The following NTN1 variants were observed in gnomAD, a reference collection of about 807,000 sequenced individuals.
NTN1 encodes the protein netrin-1.
NTN1 carries 11 observed loss-of-function variants against 54.2 expected under a neutral mutation model. That is an observed-to-expected ratio of 0.20 (90% CI 0.13 to 0.34). The LOEUF (loss-of-function observed/expected upper bound fraction) is 0.34, where lower values mean the gene tolerates loss of function less well. Among genes scored for constraint, NTN1 ranks in the 10% least tolerant of loss-of-function variants. NTN1 has a pLI of 1.00. For missense variants in NTN1, 740 were observed against 893.1 expected (o/e 0.83, Z 2.18); for synonymous variants, 371 against 382.0 (o/e 0.97, Z 0.33).
chr17:9,055,971 C>T (rs1192712098), intron 2 of NTN1, among the ~76,000 whole-genome samples: 1 of 152,166 alleles, frequency 6.6e-6, no homozygotes, highest in Non-Finnish European at 1.5e-5. Context: ...AATCTGTGCT[C>T]ACTGCAGCCT....
chr17:9,210,905 GAAAAAAAAAA>G (rs58541910), intron 5 of NTN1, among the ~76,000 whole-genome samples: 3 of 23,492 alleles, frequency 1.3e-4, no homozygotes, highest in South Asian at 2.6e-3. Flanking sequence ...GACTCCATCT[GAAAAAAAAAA>G]AAAAAAAAAA....
At chr17:9,045,760 A>G (rs922224799) in intron 2 of NTN1, among the ~76,000 whole-genome samples, 13 of 152,356 alleles carry the variant, frequency 8.5e-5, no homozygotes, top group African/African-American at 3.1e-4. Flanking sequence ...ACCCAAGCCA[A>G]AAGTTGATTG....
In NTN1 at chr17:9,022,898, G is replaced by C. The variant is rs2091857351; in HGVS notation, c.525G>C (p.Gln175His). The change falls in exon 2 of 7, where the codon CAG becomes CAC. Residue 175 changes from glutamine to histidine, a missense_variant. Physicochemically the swap from Gln to His is conservative, Grantham distance 24. Transcript: ENST00000173229. ...ACGGGCGCACGTGGGTGCCCTTCCA[G>C]TTCTACTCCACGCAGTGCCGCAAGA... The part of the protein sequence containing the change: ...MDYGRTWVPF[Q>H]FYSTQCRKMY... 1.2e-6 allele frequency: 2 copies of C among 1,612,262 alleles called. No individual in the cohort carries two copies. The highest frequency in any genetic ancestry group is 1.7e-6 in the Non-Finnish European group (2 of 1,179,934).
chr17:9,087,297 A>G (rs1382891705), intron 2 of NTN1, among the ~76,000 whole-genome samples: 1 of 152,030 alleles, frequency 6.6e-6, no homozygotes, highest in Non-Finnish European at 1.5e-5. Flanking sequence ...CCACAGAGAG[A>G]CAGAGAGCTG....
intron 5 of NTN1, among the ~76,000 whole-genome samples, chr17:9,186,787 G>A (rs1170834986): frequency 2.0e-5 from 3 of 152,234 alleles, no homozygotes; most frequent in African/African-American, 7.2e-5. Flanking sequence ...GAAGGAAGTT[G>A]GGTTTATGTA....
rs567682527 is a variant in NTN1 at position 9,051,468 on chromosome 17, A to G, written c.1018+28077A>G. Reference sequence around the variant, plus strand: ...GGTGGGGCTCCTTGTACCTGTCTTCAATTCCAACCCCTCTCCACTTTGCAG... The same window carrying G: ...GGTGGGGCTCCTTGTACCTGTCTTCGATTCCAACCCCTCTCCACTTTGCAG... On this transcript the variant is annotated intron_variant, in intron 2 of 6. Transcript: ENST00000173229. Among the ~76,000 whole-genome samples, 14 of 152,310 alleles carry G rather than the reference A, an allele frequency of 9.2e-5. 1 individual carries two copies. In the South Asian group the frequency reaches 2.5e-3, roughly 27 times the overall value.
intron 6 of NTN1, among the ~76,000 whole-genome samples, chr17:9,235,129 AT>A (rs1905942453): frequency 6.6e-6 from 1 of 151,674 alleles, no homozygotes; most frequent in South Asian, 2.1e-4. Context: ...TGCCTGGCTA[AT>A]TTTTTTGTAT....
At chr17:9,029,628 A>G (rs1480206887) in intron 2 of NTN1, among the ~76,000 whole-genome samples, 3 of 152,270 alleles carry the variant, frequency 2.0e-5, no homozygotes, top group African/African-American at 4.8e-5. Context: ...TCAGTATTGC[A>G]TTCCTGTCTC....
intron 2 of NTN1, among the ~76,000 whole-genome samples, chr17:9,055,657 A>T (rs2091976777): frequency 6.6e-6 from 1 of 152,062 alleles, no homozygotes; most frequent in African/African-American, 2.4e-5. Context: ...GGAAGGTGGG[A>T]AGAGGAGAGG....
At chr17:9,134,375 A>G (rs1295990567) in intron 2 of NTN1, among the ~76,000 whole-genome samples, 1 of 152,066 alleles carries the variant, frequency 6.6e-6, no homozygotes, top group Non-Finnish European at 1.5e-5. Context: ...CTCTCCCCCC[A>G]GAGCACTCCC....
chr17:9,057,440 T>G (rs1481700689), intron 2 of NTN1, among the ~76,000 whole-genome samples: 1 of 152,184 alleles, frequency 6.6e-6, no homozygotes, highest in African/African-American at 2.4e-5. Context: ...ATCACTATAT[T>G]GTTTGCTTTC....
At chr17:9,232,189 C>T (rs981815456) in intron 6 of NTN1, among the ~76,000 whole-genome samples, 11 of 152,302 alleles carry the variant, frequency 7.2e-5, no homozygotes, top group South Asian at 4.1e-4. Context: ...GAGAAGGAGG[C>T]GGCTGCGGCT....
At chr17:9,151,354 A>C (rs553582628) in intron 2 of NTN1, among the ~76,000 whole-genome samples, 1 of 152,216 alleles carries the variant, frequency 6.6e-6, no homozygotes, top group African/African-American at 2.4e-5. Flanking sequence ...CCCTCGACAA[A>C]CACAGGCCAC....
chr17:9,151,606 A>T (rs1237798477), intron 2 of NTN1, among the ~76,000 whole-genome samples: 1 of 152,198 alleles, frequency 6.6e-6, no homozygotes, highest in Non-Finnish European at 1.5e-5. Context: ...TCTGTTTTCA[A>T]ATTGGACCCT....
At chr17:9,226,923 G>C (rs1034618685) in intron 6 of NTN1, among the ~76,000 whole-genome samples, 2 of 151,958 alleles carry the variant, frequency 1.3e-5, no homozygotes, top group African/African-American at 4.8e-5. Flanking sequence ...GGAAACCACC[G>C]CCAGGGAACT....
At chr17:9,155,403 G>A (rs954138913) in intron 2 of NTN1, among the ~76,000 whole-genome samples, 3 of 149,026 alleles carry the variant, frequency 2.0e-5, no homozygotes, top group African/African-American at 7.5e-5. Flanking sequence ...GTGCAATGGC[G>A]TGATCTCAGC....
upstream of NTN1, among the ~76,000 whole-genome samples, chr17:9,020,403 T>G (rs531974943): frequency 7.2e-5 from 11 of 152,358 alleles, no homozygotes; most frequent in East Asian, 1.9e-4. Flanking sequence ...GTCTTTTTAT[T>G]GGGGCGATGG....
chr17:9,011,426 C>T, the NTN1 span, among the ~76,000 whole-genome samples: 2 of 152,232 alleles, frequency 1.3e-5, no homozygotes, highest in Non-Finnish European at 1.5e-5. Flanking sequence ...AGATTTCCCT[C>T]TGCCTGTCTC....
At chr17:9,203,491 A>T (rs1433668940) in intron 5 of NTN1, among the ~76,000 whole-genome samples, 2 of 152,092 alleles carry the variant, frequency 1.3e-5, no homozygotes, top group African/African-American at 4.8e-5. Flanking sequence ...TGGTCTCTTC[A>T]ATTCTCATAT....
Sources: gnomAD v4.1 joint callset for allele counts (sites outside exome capture counted in the v4.1 genomes callset) on GRCh38, gnomAD v4.1.1 for gene constraint, MANE v1.5 for transcripts, NCBI Gene and HGNC (gene_info 2026-07-23, HGNC 2026-07-21) for gene names.